The following TIGAR variants were observed in gnomAD, a reference collection of about 807,000 sequenced individuals.
TIGAR encodes the protein fructose-2,6-bisphosphatase TIGAR.
In TIGAR, 7 loss-of-function variants were observed where a neutral mutation model predicts 17.9. That is an observed-to-expected ratio of 0.39 (90% CI 0.22 to 0.73). The LOEUF is 0.73. TIGAR is among the 30% of genes least tolerant of loss of function. The pLI, the probability that TIGAR is intolerant of heterozygous loss-of-function variation, is 0.42. For synonymous variants in TIGAR, 94 were observed against 108.6 expected, an observed-to-expected ratio of 0.87 and a Z score of 0.84; for missense variants, 258 against 327.4, an observed-to-expected ratio of 0.79 and a Z score of 1.64.
intron 1 of TIGAR, chr12:4,324,697 C>G (rs1864520929): frequency 2.2e-6 from 2 of 904,994 alleles, no homozygotes; most frequent in South Asian, 2.8e-5. Flanking sequence ...CTGGCACGCA[C>G]TGTACAGCTG....
In TIGAR at chr12:4,321,857, C is replaced by T. The variant is rs556093940; in HGVS notation, c.32+554C>T. 6.6e-5 allele frequency among the ~76,000 whole-genome samples: 10 copies of T among 152,314 alleles called. No individual in the cohort carries two copies. Among genetic ancestry groups the T allele is most frequent in the African/African-American group, 2.2e-4 (9 of 41,570 alleles). The stretch of plus-strand genomic sequence containing the variant: ...GAAAAGAGGATCACAGCTCTGATCT[C>T]AGCAGACCGTATCATCCCAAATAAA... On this transcript the variant is annotated intron_variant, in intron 1 of 5. Coordinates refer to ENST00000179259, the MANE Select transcript of TIGAR (RefSeq NM_020375.3). This position sits in a 1 kb window ranked among gnomAD's most constrained non-coding sequence, Gnocchi z 5.2.
At chr12:4,337,570 C>T (rs971027924) in intron 3 of TIGAR, among the ~76,000 whole-genome samples, 81 of 152,196 alleles carry the variant, frequency 5.3e-4, no homozygotes, top group African/African-American at 1.9e-3. Flanking sequence ...CCCAAACAGA[C>T]ATGACCTTCC....
intron 4 of TIGAR, among the ~76,000 whole-genome samples, chr12:4,350,776 C>CAAA (rs745374518): frequency 1.1e-5 from 1 of 89,232 alleles, no homozygotes; most frequent in African/African-American, 4.0e-5. Flanking sequence ...GATTCCGTCT[C>CAAA]AAAAAAAAAA....
rs956678280 is a variant in TIGAR, at chr12:4,331,503, C to G, written c.70+186C>G. ...GTTAGTAACCAGGAGGAATAAATCT[C>G]TCAAGTGAACTGGGTGTGAAGTACA... On this transcript the variant is annotated intron_variant, in intron 2 of 5. Transcript: ENST00000179259. Among the ~76,000 whole-genome samples the G allele has an allele frequency of 5.9e-5, 9 of 152,180 alleles. No individual in the cohort carries two copies. The East Asian group carries it at 1.7e-3, about 29-fold the overall frequency.
At position 4,355,981 on chromosome 12, in the gene TIGAR, A is replaced by G. The variant is rs1864896359; in HGVS notation, c.*3290A>G. 6.6e-6 allele frequency among the ~76,000 whole-genome samples: 1 copy of G among 152,218 alleles called. No homozygotes were observed. Among genetic ancestry groups the G allele is most frequent in the Non-Finnish European group, 1.5e-5 (1 of 68,028 alleles). ...TGGGAGAGTGACGGGAGAAGAGGAC[A>G]GGCCACATGGCCTGGTGGCCTGTGC... On this transcript the variant is annotated 3_prime_UTR_variant, in exon 6 of 6. Transcript: ENST00000179259.
In TIGAR at chr12:4,353,074, GAAGA is replaced by G. The variant is rs370147440; in HGVS notation, c.*389_*392del. The G allele has an allele frequency of 3.8e-3, 658 of 173,698 alleles. 1 individual carries two copies. Among genetic ancestry groups the G allele is most frequent in the African/African-American group, 0.014 (590 of 42,228 alleles). 10.8% of individuals were successfully genotyped at this position (173,698 alleles called of 1,614,324 possible). ...TTTTTAGTATCTCATCCAGTGCTTA[GAAGA>G]AAGAATGGTTTATAATTCCCAGTAC... On this transcript the variant is annotated 3_prime_UTR_variant, in exon 6 of 6. Transcript: ENST00000179259.
intron 3 of TIGAR, among the ~76,000 whole-genome samples, chr12:4,344,959 T>C (rs1421417638): frequency 6.6e-6 from 1 of 152,134 alleles, no homozygotes; most frequent in Non-Finnish European, 1.5e-5. Context: ...ACAAGCCTTA[T>C]TATACACCAA....
intron 1 of TIGAR, among the ~76,000 whole-genome samples, chr12:4,326,053 C>A (rs933164733): frequency 6.6e-6 from 1 of 152,170 alleles, no homozygotes; most frequent in Non-Finnish European, 1.5e-5. Flanking sequence ...GATATAATGT[C>A]TTTTAAGAAC....
At chr12:4,352,204 GT>G in intron 5 of TIGAR, 55 bp from the exon 6 acceptor site, 1 of 1,478,882 alleles carries the variant, frequency 6.8e-7, no homozygotes, top group Non-Finnish European at 9.2e-7. Flanking sequence ...CTATGTTAAC[GT>G]TTTAAGGAAG....
chr12:4,359,961 C>T lies in TIGAR; in HGVS notation c.*7270C>T, dbSNP rs1864957221. On this transcript the variant is annotated 3_prime_UTR_variant, in exon 6 of 6. Transcript: ENST00000179259. ...GTGATATGGAATGCTTTTTAATGTACAATTCTTATTGATCATTCATACAGC... is the reference window on the plus strand; with the variant it reads ...GTGATATGGAATGCTTTTTAATGTATAATTCTTATTGATCATTCATACAGC... 6.6e-6 allele frequency among the ~76,000 whole-genome samples: 1 copy of T among 152,128 alleles called. No individual in the cohort carries two copies. Among genetic ancestry groups the T allele is most frequent in the South Asian group, 2.1e-4 (1 of 4,816 alleles).
intron 3 of TIGAR, among the ~76,000 whole-genome samples, chr12:4,348,177 A>G (rs894929172): frequency 2.0e-5 from 3 of 152,192 alleles, no homozygotes; most frequent in African/African-American, 7.2e-5. Context: ...AATAGGAGAC[A>G]TTAGAAGACA....
rs1158570343 is a variant in TIGAR, at chr12:4,352,461, G to A, written c.583G>A (p.Val195Ile). Residue 195 changes from valine to isoleucine, a missense_variant, in exon 6 of 6, where the codon GTT becomes ATT. By Grantham distance (29) the Val-to-Ile change is conservative (BLOSUM62 3). Coordinates refer to ENST00000179259, the MANE Select transcript of TIGAR (RefSeq NM_020375.3). The part of the protein sequence containing the change: ...GIPGLAASVL[V>I]VSHGAYMRSL... ...TCCAGGATTAGCAGCCAGTGTCTTA[G>A]TTGTGAGTCACGGTGCTTACATGAG... The A allele has an allele frequency of 1.2e-6, 2 of 1,614,118 alleles. No individual in the cohort carries two copies. The highest frequency in any genetic ancestry group is 1.7e-6 in the Non-Finnish European group (2 of 1,180,020).
intron 5 of TIGAR, 74 bp downstream of exon 5, chr12:4,351,451 A>G (rs1457891494): frequency 8.5e-7 from 1 of 1,180,972 alleles, no homozygotes; most frequent in Non-Finnish European, 1.2e-6. Flanking sequence ...TTAGCTAAGC[A>G]GTTTGAAAGT....
In TIGAR at chr12:4,332,305, CGA is replaced by C. The variant is rs549685401; in HGVS notation, c.70+989_70+990del. 2.0e-3 allele frequency among the ~76,000 whole-genome samples: 262 copies of C among 128,982 alleles called. 1 individual carries two copies. Among genetic ancestry groups the C allele is most frequent in the African/African-American group, 7.5e-3 (254 of 33,874 alleles). 84.6% of individuals were successfully genotyped at this position (128,982 alleles called of 152,430 possible). A position where few individuals can be genotyped will look rare whatever the true frequency, so the allele number is the denominator to read the frequency against. ...CCGCCCAACCTGGAGTGCAGTGGTG[CGA>C]ACTCGGCTCACTGCAACCTCCGCCT... is the stretch of plus-strand genomic sequence containing the variant. On this transcript the variant is annotated intron_variant, in intron 2 of 5. Coordinates refer to ENST00000179259, the MANE Select transcript of TIGAR (RefSeq NM_020375.3).
chr12:4,348,432 ATTAG>A (rs1343577888), intron 3 of TIGAR, among the ~76,000 whole-genome samples: 1 of 152,222 alleles, frequency 6.6e-6, no homozygotes, highest in African/African-American at 2.4e-5. Context: ...ATTAAAGACC[ATTAG>A]TTAGGCTGTC....
chr12:4,337,555 TA>T (rs1864673512), intron 3 of TIGAR, among the ~76,000 whole-genome samples: 1 of 152,212 alleles, frequency 6.6e-6, no homozygotes. Context: ...TGTAGGGAAT[TA>T]AATCCCAAAC....
intron 3 of TIGAR, among the ~76,000 whole-genome samples, chr12:4,347,204 A>G (rs920815582): frequency 9.9e-5 from 15 of 152,254 alleles, no homozygotes; most frequent in African/African-American, 3.1e-4. Context: ...ACAATGAAGT[A>G]CTTTTCAACC....
intron 3 of TIGAR, among the ~76,000 whole-genome samples, chr12:4,337,406 T>C (rs1861914): frequency 0.52 from 78,271 of 151,982 alleles, 20,491 homozygotes; most frequent in East Asian, 0.71. Flanking sequence ...GTGATCCACT[T>C]GCCTCAGCCT....
chr12:4,341,071 G>A (rs184114958), intron 3 of TIGAR, among the ~76,000 whole-genome samples: 1 of 152,282 alleles, frequency 6.6e-6, no homozygotes, highest in East Asian at 1.9e-4. Context: ...CTTTGGTGCA[G>A]CAAAGGAAAC....
Sources: allele counts gnomAD v4.1 joint callset (sites outside exome capture counted in the v4.1 genomes callset), GRCh38; gene constraint gnomAD v4.1.1; non-coding constraint Gnocchi (gnomAD v3.1); transcripts MANE v1.5; gene names NCBI Gene and HGNC (gene_info 2026-07-23, HGNC 2026-07-21).